Variants in ASB17 observed in about 807,000 individuals in gnomAD.
The protein encoded by ASB17 is ankyrin repeat and SOCS box containing 17.
A neutral mutation model predicts 25.7 loss-of-function variants in ASB17; 26 were observed. That is an observed-to-expected ratio of 1.01 (90% CI 0.74 to 1.40). The LOEUF (loss-of-function observed/expected upper bound fraction) is 1.40, where lower values mean the gene tolerates loss of function less well. ASB17 is among the 40% of genes most tolerant of loss of function. The pLI, the probability that ASB17 is intolerant of heterozygous loss-of-function variation, is 0.00. For missense variants in ASB17, 326 were observed against 338.5 expected (o/e 0.96, Z 0.29); for synonymous variants, 128 against 121.4 (o/e 1.05, Z -0.36).
chr1:75,923,026 A>T (rs1471189490), intron 1 of ASB17, among the ~76,000 whole-genome samples: 4 of 152,352 alleles, frequency 2.6e-5, no homozygotes, highest in African/African-American at 9.6e-5. Context: ...ATAAAATGGA[A>T]AAGGAGGACA....
At chr1:75,925,671 T>G (rs1215160325) in intron 1 of ASB17, among the ~76,000 whole-genome samples, 1 of 152,206 alleles carries the variant, frequency 6.6e-6, no homozygotes, top group Non-Finnish European at 1.5e-5. Context: ...GTTAATGAAC[T>G]GAACTCTTGG....
rs78423134 is a variant in ASB17, at chr1:75,924,456, T to C, written c.402-2097A>G. ...AAAAATAGTGAATTGTAGTGCAAAGTAGCATTTTAGAAATCAAGATGTAGT... is the reference window on the plus strand; with the variant it reads ...AAAAATAGTGAATTGTAGTGCAAAGCAGCATTTTAGAAATCAAGATGTAGT... On this transcript the variant is annotated intron_variant, in intron 1 of 2. Transcript: ENST00000284142. Among the ~76,000 whole-genome samples the C allele has an allele frequency of 7.0e-3, 1,069 of 151,960 alleles. 13 individuals carry two copies. The highest frequency in any genetic ancestry group is 0.024 in the African/African-American group (1,014 of 41,464).
At chr1:75,929,419 G>C (rs1653264133) in intron 1 of ASB17, among the ~76,000 whole-genome samples, 1 of 150,884 alleles carries the variant, frequency 6.6e-6, no homozygotes, top group African/African-American at 2.4e-5. Flanking sequence ...TTTTAGTAGA[G>C]ACAGGGTTTC....
rs976453866 is a variant in ASB17 at position 75,920,814 on chromosome 1, G to A, written c.681+1266C>T. 2.6e-5 allele frequency among the ~76,000 whole-genome samples: 4 copies of A among 151,758 alleles called. No homozygotes were observed. In the East Asian group the frequency reaches 7.8e-4, roughly 29 times the overall value. On this transcript the variant is annotated intron_variant, in intron 2 of 2. Coordinates refer to ENST00000284142, the MANE Select transcript of ASB17 (RefSeq NM_080868.3). ...TTTGGAGACGGAGTCCCGCTCTTTC[G>A]CCCAGGCCAGAGTGCAGTGGTGCGA... is the stretch of plus-strand genomic sequence containing the variant.
At chr1:75,924,512 A>G (rs1261812122) in intron 1 of ASB17, among the ~76,000 whole-genome samples, 1 of 152,126 alleles carries the variant, frequency 6.6e-6, no homozygotes, top group African/African-American at 2.4e-5. Context: ...CTGGCACTAT[A>G]CATACATATA....
chr1:75,922,154 T>C lies in ASB17; in HGVS notation c.607A>G (p.Ile203Val). The C allele has an allele frequency of 6.2e-7, 1 of 1,613,912 alleles. No individual in the cohort carries two copies. ...RVMVDRELAD[I>V]HEDAKTCLVL... is the part of the protein sequence containing the mutation. ...AAACATGTTTTGGCATCTTCATGGA[T>C]GTCAGCCAATTCACGATCAACCATT... The change falls in exon 2 of 3, where the codon ATC (isoleucine) becomes GTC (valine). Residue 203 changes from isoleucine (I) to valine (V), a missense_variant. Physicochemically the swap from Ile to Val is conservative, Grantham distance 29. Transcript: ENST00000284142.
intron 1 of ASB17, among the ~76,000 whole-genome samples, chr1:75,927,414 C>T (rs1035677884): frequency 5.9e-5 from 9 of 151,974 alleles, no homozygotes; most frequent in African/African-American, 1.9e-4. Flanking sequence ...GATCACTTAC[C>T]GTGTCTTGTA....
At chr1:75,920,026 CA>C (rs998589763) in intron 2 of ASB17, among the ~76,000 whole-genome samples, 1 of 152,140 alleles carries the variant, frequency 6.6e-6, no homozygotes, top group African/African-American at 2.4e-5. Context: ...TCAACTTAGC[CA>C]TATAGAATTA....
Position 75,922,078 on chromosome 1 carries a change from A to G in ASB17, c.681+2T>C. ...CCATTTTTTTTAAAGTAGTTTTCTT[A>G]CCTTTATTTCCTTGACTGAAATGAC... On this transcript the variant is annotated splice_donor_variant, in intron 2 of 2. Transcript: ENST00000284142. LOFTEE classifies it high-confidence loss of function. 6.3e-7 allele frequency: 1 copy of G among 1,593,982 alleles called. No homozygotes were observed. The highest frequency in any genetic ancestry group is 8.6e-7 in the Non-Finnish European group (1 of 1,168,248).
At position 75,932,117 on chromosome 1, in the gene ASB17, C is replaced by T. The variant is rs200235376; in HGVS notation, c.175G>A (p.Asp59Asn). 1.9e-5 allele frequency: 30 copies of T among 1,614,110 alleles called. No homozygotes were observed. In the African/African-American group the frequency reaches 3.5e-4, roughly 19 times the overall value. Reference protein sequence around the residue: ...RSLAKILRYVDLDGFDALLTD... With the variant: ...RSLAKILRYVNLDGFDALLTD... ...AGTAGTGCGTCAAAACCATCCAAGTCCACATACCTCAGAATTTTTGCCAGT... is the reference window on the plus strand; with the variant it reads ...AGTAGTGCGTCAAAACCATCCAAGTTCACATACCTCAGAATTTTTGCCAGT... The change falls in exon 1 of 3, where the codon GAC becomes AAC. Residue 59 changes from aspartate to asparagine, a missense_variant. By Grantham distance (23) the Asp-to-Asn change is conservative. Transcript: ENST00000284142.
rs527524650 is a variant in ASB17 at position 75,919,901 on chromosome 1, C to G, written c.682-743G>C. On this transcript the variant is annotated intron_variant, in intron 2 of 2. Coordinates refer to ENST00000284142, the MANE Select transcript of ASB17 (RefSeq NM_080868.3). ...ATTTATAGTCCTTTGGGTATATACC[C>G]AGTAATGGGATGGCTGGGTCAAATG... Among the ~76,000 whole-genome samples the G allele has an allele frequency of 2.0e-5, 3 of 152,284 alleles. No homozygotes were observed. The South Asian group carries it at 6.2e-4, about 32-fold the overall frequency.
chr1:75,922,692 C>T (rs1419695980), intron 1 of ASB17, among the ~76,000 whole-genome samples: 1 of 151,758 alleles, frequency 6.6e-6, no homozygotes, highest in Non-Finnish European at 1.5e-5. Flanking sequence ...GAAGGGGTTT[C>T]TCCATGTTGG....
chr1:75,926,973 C>A (rs1159193010), intron 1 of ASB17, among the ~76,000 whole-genome samples: 1 of 152,052 alleles, frequency 6.6e-6, no homozygotes, highest in Non-Finnish European at 1.5e-5. Flanking sequence ...TGATTAAGAT[C>A]TTGAGGTGGG....
At chr1:75,929,013 A>G (rs1411216029) in intron 1 of ASB17, among the ~76,000 whole-genome samples, 1 of 152,148 alleles carries the variant, frequency 6.6e-6, no homozygotes, top group Non-Finnish European at 1.5e-5. Context: ...CTAGCTGATG[A>G]GGAGGAAGGT....
chr1:75,929,535 A>T (rs1338751160), intron 1 of ASB17, among the ~76,000 whole-genome samples: 1 of 152,144 alleles, frequency 6.6e-6, no homozygotes, highest in Non-Finnish European at 1.5e-5. Context: ...AGGGTTTTTA[A>T]AAAAGGGGTA....
At chr1:75,927,847 C>G (rs1241038955) in intron 1 of ASB17, among the ~76,000 whole-genome samples, 1 of 152,114 alleles carries the variant, frequency 6.6e-6, no homozygotes, top group Non-Finnish European at 1.5e-5. Flanking sequence ...CAGGCATTAC[C>G]CATGGTGTAA....
intron 2 of ASB17, among the ~76,000 whole-genome samples, chr1:75,921,511 G>A (rs1653026916): frequency 1.3e-5 from 2 of 152,138 alleles, no homozygotes; most frequent in Admixed American, 1.3e-4. Context: ...TTTTGACAGG[G>A]TACCCTGTAT....
At chr1:75,930,801 T>C (rs987393582) in intron 1 of ASB17, among the ~76,000 whole-genome samples, 3 of 152,178 alleles carry the variant, frequency 2.0e-5, no homozygotes, top group African/African-American at 7.2e-5. Flanking sequence ...TTCTTTCCCG[T>C]GGACCTTCCA....
Position 75,932,100 on chromosome 1 carries a change from G to A in ASB17, c.192C>T (p.Asp64=), listed in dbSNP as rs534539433. ...ILRYVDLDGF[D]ALLTDYIAFV... ...ATGCAATGTAATCTGTGAGTAGTGC[G>A]TCAAAACCATCCAAGTCCACATACC... is the stretch of plus-strand genomic sequence containing the variant. The change falls in exon 1 of 3, where the codon GAC becomes GAT. Residue 64 remains aspartate, a synonymous_variant. Coordinates refer to ENST00000284142, the MANE Select transcript of ASB17 (RefSeq NM_080868.3). The A allele has an allele frequency of 3.3e-5, 54 of 1,614,048 alleles. No homozygotes were observed. Among genetic ancestry groups the A allele is most frequent in the Non-Finnish European group, 3.6e-5 (42 of 1,179,998 alleles).
Sources: gnomAD v4.1 joint callset for allele counts (sites outside exome capture counted in the v4.1 genomes callset) on GRCh38, gnomAD v4.1.1 for gene constraint, MANE v1.5 for transcripts, NCBI Gene and HGNC (gene_info 2026-07-23, HGNC 2026-07-21) for gene names.